The following PCED1B variants were observed in gnomAD, a reference collection of about 807,000 sequenced individuals.
PCED1B encodes the protein PC-esterase domain containing 1B.
For synonymous variants in PCED1B, 251 were observed against 246.1 expected (o/e 1.02, Z -0.19); for missense variants, 573 against 573.9 (o/e 1.00, Z 0.02).
At chr12:47,227,324 A>G (rs1221189753) in intron 3 of PCED1B, among the ~76,000 whole-genome samples, 3 of 152,010 alleles carry the variant, frequency 2.0e-5, no homozygotes, top group South Asian at 4.2e-4. Context: ...GGCACCTGCC[A>G]TGATGCCCAC....
intron 2 of PCED1B, among the ~76,000 whole-genome samples, chr12:47,192,362 A>G (rs1942471878): frequency 2.6e-5 from 4 of 152,028 alleles, no homozygotes; most frequent in African/African-American, 7.2e-5. Context: ...TGTAGCCTGG[A>G]AAAAAAATGG....
chr12:47,182,325 T>C (rs1485016399), intron 2 of PCED1B, among the ~76,000 whole-genome samples: 1 of 152,090 alleles, frequency 6.6e-6, no homozygotes, highest in Non-Finnish European at 1.5e-5. Context: ...CCTGGCACGG[T>C]TGCTCAGCCT....
chr12:47,128,115 A>G (rs973904227), intron 2 of PCED1B, among the ~76,000 whole-genome samples: 1 of 152,226 alleles, frequency 6.6e-6, no homozygotes, highest in Admixed American at 6.5e-5. Flanking sequence ...ATCTGTAAAT[A>G]AAAAAACGAA....
At chr12:47,198,348 T>C (rs1942668310) in intron 2 of PCED1B, among the ~76,000 whole-genome samples, 1 of 152,140 alleles carries the variant, frequency 6.6e-6, no homozygotes. Context: ...CCAGCACTCA[T>C]TCATAGTTTA....
chr12:47,221,338 CTTTTTTTTTTTTT>C (rs63059763), intron 3 of PCED1B, among the ~76,000 whole-genome samples: 1 of 108,926 alleles, frequency 9.2e-6, no homozygotes, highest in Non-Finnish European at 1.9e-5. Flanking sequence ...CATCAAAATT[CTTTTTTTTTTTTT>C]TTTTTTTTTT....
chr12:47,166,701 A>G (rs1312461910), intron 2 of PCED1B, among the ~76,000 whole-genome samples: 2 of 152,172 alleles, frequency 1.3e-5, no homozygotes, highest in African/African-American at 4.8e-5. Flanking sequence ...ACTAATCAAG[A>G]TGAGGTGTGG....
rs1338528426 is a variant in PCED1B at position 47,236,360 on chromosome 12, T to C, written c.1297T>C (p.Ter433GlnextTer10). 1.9e-6 allele frequency: 3 copies of C among 1,577,734 alleles called. No individual in the cohort carries two copies. The highest frequency in any genetic ancestry group is 2.3e-5 in the East Asian group (1 of 44,168). The change falls in exon 4 of 4, where the codon TAG becomes CAG. Residue 433 changes from the stop codon to glutamine, a stop_lost. Transcript: ENST00000546455. ...APANPEPRPQ[*>Q] ...AGCCAATCCTGAGCCAAGGCCTCAA[T>C]AGACGGACCTAGGCCTTATTTCCTC...
At position 47,235,818 on chromosome 12, in the gene PCED1B, G is replaced by A. The variant is rs757577666; in HGVS notation, c.755G>A (p.Trp252Ter). Reference protein sequence around the residue: ...QLLLAHVADAWGVELPHRHPV... With the variant: ...QLLLAHVADA ...CTGCTGGCCCACGTGGCCGACGCCTGGGGTGTGGAGCTGCCCCACCGCCAC... is the reference window on the plus strand; with the variant it reads ...CTGCTGGCCCACGTGGCCGACGCCTAGGGTGTGGAGCTGCCCCACCGCCAC... The change falls in exon 4 of 4, where the codon TGG (tryptophan) becomes TAG (stop). Residue 252 changes from tryptophan to a stop codon, truncating the protein, a stop_gained. Transcript: ENST00000546455. LOFTEE classifies it low-confidence loss of function (END_TRUNC). The A allele has an allele frequency of 6.3e-7, 1 of 1,576,168 alleles. No homozygotes were observed. Among genetic ancestry groups the A allele is most frequent in the Admixed American group, 1.9e-5 (1 of 53,658 alleles).
intron 2 of PCED1B, among the ~76,000 whole-genome samples, chr12:47,149,020 G>A (rs1022454891): frequency 7.2e-5 from 11 of 152,042 alleles, no homozygotes; most frequent in African/African-American, 2.7e-4. Flanking sequence ...AAGGGAAATG[G>A]CACTGCTGAG....
chr12:47,186,244 G>T (rs1942262317), intron 2 of PCED1B, among the ~76,000 whole-genome samples: 2 of 150,850 alleles, frequency 1.3e-5, no homozygotes, highest in Admixed American at 6.6e-5. Flanking sequence ...AAAAGAACTT[G>T]AACTTACATA....
At chr12:47,089,029 C>G (rs1938122446) in intron 1 of PCED1B, among the ~76,000 whole-genome samples, 1 of 152,072 alleles carries the variant, frequency 6.6e-6, no homozygotes, top group Non-Finnish European at 1.5e-5. Context: ...GCAAGATAGG[C>G]AATAGGGTCT....
intron 3 of PCED1B, among the ~76,000 whole-genome samples, chr12:47,224,236 T>C (rs914539209): frequency 6.6e-6 from 1 of 152,222 alleles, no homozygotes; most frequent in Non-Finnish European, 1.5e-5. Flanking sequence ...TTTAAAAAAG[T>C]GAGGTCACTG....
At chr12:47,199,785 A>G (rs781661229) in intron 2 of PCED1B, among the ~76,000 whole-genome samples, 6 of 152,226 alleles carry the variant, frequency 3.9e-5, no homozygotes, top group Admixed American at 6.5e-5. Context: ...AAGATAACAG[A>G]AGAAACTCTA....
Position 47,173,356 on chromosome 12 carries a change from C to T in PCED1B, c.-525-42866C>T, listed in dbSNP as rs187300229. 1.8e-4 allele frequency among the ~76,000 whole-genome samples: 28 copies of T among 152,282 alleles called. No individual in the cohort carries two copies. In the East Asian group the frequency reaches 4.8e-3, roughly 26 times the overall value. On this transcript the variant is annotated intron_variant, in intron 2 of 3. Coordinates refer to ENST00000546455, the MANE Select transcript of PCED1B (RefSeq NM_138371.3). ...ACAACCTCCACCTCCTGGGTTCAAG[C>T]GATTCTCCTGCCTCAGCCTCTCGAG...
At chr12:47,156,485 C>T (rs1349880552) in intron 2 of PCED1B, among the ~76,000 whole-genome samples, 1 of 152,124 alleles carries the variant, frequency 6.6e-6, no homozygotes, top group East Asian at 1.9e-4. Context: ...CAAGCCATCA[C>T]ATTCCCTTGC....
At chr12:47,159,080 AT>A (rs142061866) in intron 2 of PCED1B, among the ~76,000 whole-genome samples, 35,755 of 151,968 alleles carry the variant, frequency 0.24, 5,290 homozygotes, top group Non-Finnish European at 0.33. Context: ...TGATTTTATT[AT>A]TTTTTTACAG....
At chr12:47,092,573 C>T (rs1938312326) in intron 1 of PCED1B, among the ~76,000 whole-genome samples, 1 of 152,012 alleles carries the variant, frequency 6.6e-6, no homozygotes, top group Non-Finnish European at 1.5e-5. Context: ...GAAATGATGA[C>T]AGTGGTCATT....
chr12:47,183,781 A>T lies in PCED1B; in HGVS notation c.-525-32441A>T, dbSNP rs148270546. Among the ~76,000 whole-genome samples, 21 of 152,362 alleles carry T rather than the reference A, an allele frequency of 1.4e-4. No individual in the cohort carries two copies. In the East Asian group the frequency reaches 4.0e-3, roughly 29 times the overall value. Reference sequence around the variant, plus strand: ...TGAGGACAGGGACTCATCTGTATACAGACTTCCTGCACTCGTAAACTTTTT... The same window carrying T: ...TGAGGACAGGGACTCATCTGTATACTGACTTCCTGCACTCGTAAACTTTTT... On this transcript the variant is annotated intron_variant, in intron 2 of 3. Transcript: ENST00000546455.
chr12:47,092,858 G>A (rs1938325695), intron 1 of PCED1B, among the ~76,000 whole-genome samples: 1 of 151,942 alleles, frequency 6.6e-6, no homozygotes, highest in Non-Finnish European at 1.5e-5. Context: ...GACTGAACTT[G>A]CACTCCATTT....
Sources: gnomAD v4.1 joint callset for allele counts (sites outside exome capture counted in the v4.1 genomes callset) on GRCh38, gnomAD v4.1.1 for gene constraint, MANE v1.5 for transcripts, NCBI Gene and HGNC (gene_info 2026-07-23, HGNC 2026-07-21) for gene names.